The following BMERB1 variants were observed in gnomAD, a reference collection of about 807,000 sequenced individuals.
The protein encoded by BMERB1 is bMERB domain containing 1, also known as bMERB domain-containing protein 1.
In BMERB1, 12 loss-of-function variants were observed where a neutral mutation model predicts 23.6. The observed-to-expected ratio is 0.51, with a 90% CI of 0.33 to 0.82. The LOEUF is 0.82. BMERB1 is among the 40% of genes least tolerant of loss of function. The pLI is 0.03. For missense variants in BMERB1, 247 were observed against 255.4 expected (o/e 0.97, Z 0.22); for synonymous variants, 122 against 96.6 (o/e 1.26, Z -1.54).
intron 1 of BMERB1, among the ~76,000 whole-genome samples, chr16:15,441,664 C>T (rs1384514603): frequency 6.6e-6 from 1 of 152,070 alleles, no homozygotes; most frequent in Admixed American, 6.6e-5. Context: ...AGCCGTGAGC[C>T]ACGATGCCCA....
At chr16:15,502,478 CTT>C in intron 1 of BMERB1, 1 of 982,712 alleles carries the variant, frequency 1.0e-6, no homozygotes, top group Non-Finnish European at 1.6e-6. Flanking sequence ...GACTTCATCT[CTT>C]TGGGAAACGG....
At chr16:15,559,111 T>TGG (rs773883071) in intron 2 of BMERB1, among the ~76,000 whole-genome samples, 49 of 152,312 alleles carry the variant, frequency 3.2e-4, no homozygotes, top group Non-Finnish European at 5.1e-4. Flanking sequence ...TATGTCATTA[T>TGG]GTTACATATA....
chr16:15,458,278 C>T (rs759746116), intron 1 of BMERB1, among the ~76,000 whole-genome samples: 4 of 152,182 alleles, frequency 2.6e-5, no homozygotes, highest in Admixed American at 2.0e-4. Flanking sequence ...ATCTGGGTCA[C>T]TTCATTCTTT....
intron 1 of BMERB1, among the ~76,000 whole-genome samples, chr16:15,468,761 C>A (rs1196636969): frequency 6.6e-6 from 1 of 151,948 alleles, no homozygotes; most frequent in Non-Finnish European, 1.5e-5. Context: ...ACTCTTTGCC[C>A]CCCTTTAGGT....
chr16:15,565,155 A>C (rs1356598346), intron 2 of BMERB1, among the ~76,000 whole-genome samples: 2 of 152,014 alleles, frequency 1.3e-5, no homozygotes, highest in Non-Finnish European at 2.9e-5. Context: ...TGCTGAAAGG[A>C]GTCAGCAGCC....
At chr16:15,444,628 A>G (rs1051522686) in intron 1 of BMERB1, among the ~76,000 whole-genome samples, 2 of 152,186 alleles carry the variant, frequency 1.3e-5, no homozygotes, top group African/African-American at 4.8e-5. Context: ...GACGATATTT[A>G]TTGAGAAATG....
Position 15,586,825 on chromosome 16 carries a change from T to C in BMERB1, c.611T>C (p.Met204Thr). The change falls in exon 6 of 6, where the codon ATG (methionine) becomes ACG (threonine). Residue 204 changes from methionine (M) to threonine (T), a missense_variant. Met to Thr is a moderately conservative substitution (Grantham distance 81, BLOSUM62 -1). Coordinates refer to ENST00000300006, the MANE Select transcript of BMERB1 (RefSeq NM_033201.3). ...TGCGGGGCCACCCAGTGCAACATCA[T>C]GTAGCCCCCACGTGGGGTGCCCTGG... ...DCCGATQCNI[M>T] is the part of the protein sequence containing the mutation. The C allele has an allele frequency of 1.2e-6, 2 of 1,601,574 alleles. No individual in the cohort carries two copies. Among genetic ancestry groups the C allele is most frequent in the East Asian group, 2.3e-5 (1 of 44,430 alleles).
chr16:15,516,455 A>C (rs2051757584), intron 2 of BMERB1, among the ~76,000 whole-genome samples: 1 of 152,172 alleles, frequency 6.6e-6, no homozygotes, highest in Non-Finnish European at 1.5e-5. Flanking sequence ...AAAATATAAA[A>C]ACATCAAATT....
At chr16:15,472,747 A>G (rs116367425) in intron 1 of BMERB1, among the ~76,000 whole-genome samples, 2,236 of 152,172 alleles carry the variant, frequency 0.015, 62 homozygotes, top group African/African-American at 0.052. Flanking sequence ...GGCAATTATT[A>G]ATGTGTTAGG....
At chr16:15,478,206 G>A (rs927239970) in intron 1 of BMERB1, among the ~76,000 whole-genome samples, 15 of 152,058 alleles carry the variant, frequency 9.9e-5, no homozygotes, top group East Asian at 3.8e-4. Flanking sequence ...TGCCCAGGCT[G>A]GAGTGCAGTG....
intron 1 of BMERB1, among the ~76,000 whole-genome samples, chr16:15,455,522 A>G (rs2051079126): frequency 6.6e-6 from 1 of 151,588 alleles, no homozygotes; most frequent in Non-Finnish European, 1.5e-5. Flanking sequence ...GTGCAGTGGC[A>G]TGATCTTGGC....
intron 3 of BMERB1, among the ~76,000 whole-genome samples, chr16:15,579,587 T>C (rs897870997): frequency 4.6e-5 from 7 of 152,194 alleles, no homozygotes; most frequent in African/African-American, 1.7e-4. Flanking sequence ...CTGAAGGGAT[T>C]TGAGCAGAAA....
intron 1 of BMERB1, among the ~76,000 whole-genome samples, chr16:15,449,529 AT>A (rs957446775): frequency 4.6e-5 from 7 of 151,374 alleles, no homozygotes; most frequent in Admixed American, 6.6e-5. Context: ...TAAAAGTTGA[AT>A]TTTTTTTCTT....
chr16:15,515,324 C>T lies in BMERB1; in HGVS notation c.126C>T (p.Ser42=), dbSNP rs200918397. 1.2e-6 allele frequency: 2 copies of T among 1,613,724 alleles called. No homozygotes were observed. The highest frequency in any genetic ancestry group is 1.1e-5 in the South Asian group (1 of 91,060). ...RLGRNQLDII[S]MAETTMMPEE... ...GCACAGATCAGCTGGACATCATCTC[C>T]ATGGCGGAGACAACCATGATGCCAG... The change falls in exon 2 of 6, where the codon TCC becomes TCT. Residue 42 remains serine (S), a synonymous_variant. Transcript: ENST00000300006.
intron 1 of BMERB1, among the ~76,000 whole-genome samples, chr16:15,497,855 A>G (rs2051488785): frequency 6.6e-6 from 1 of 152,136 alleles, no homozygotes; most frequent in African/African-American, 2.4e-5. Flanking sequence ...AGTGGTTATC[A>G]CAGCAGCGTT....
chr16:15,464,332 A>AAAAAAAG (rs2051163018), intron 1 of BMERB1, among the ~76,000 whole-genome samples: 1 of 148,204 alleles, frequency 6.7e-6, no homozygotes, highest in African/African-American at 2.5e-5. Context: ...AAAAAAAAAA[A>AAAAAAAG]GGATTCCAAA....
intron 2 of BMERB1, among the ~76,000 whole-genome samples, chr16:15,536,194 C>T (rs1443891130): frequency 6.6e-6 from 1 of 152,096 alleles, no homozygotes; most frequent in Non-Finnish European, 1.5e-5. Flanking sequence ...CCAGATGAGA[C>T]AAGGAGGTGA....
chr16:15,452,331 G>GGAAAGAGGGAGGGA (rs1555505651), intron 1 of BMERB1, among the ~76,000 whole-genome samples: 3 of 132,880 alleles, frequency 2.3e-5, no homozygotes, highest in Non-Finnish European at 4.7e-5. Flanking sequence ...AGGGAGGGAG[G>GGAAAGAGGGAGGGA]GAGAGAGAGA....
At chr16:15,525,389 A>T (rs867881131) in intron 2 of BMERB1, among the ~76,000 whole-genome samples, 2 of 152,138 alleles carry the variant, frequency 1.3e-5, no homozygotes, top group Admixed American at 6.5e-5. Context: ...CCAAAATCCC[A>T]TGAGCCAATT....
Sources: allele counts gnomAD v4.1 joint callset (sites outside exome capture counted in the v4.1 genomes callset), GRCh38; gene constraint gnomAD v4.1.1; transcripts MANE v1.5; gene names NCBI Gene and HGNC (gene_info 2026-07-23, HGNC 2026-07-21).